The following UHRF1 variants were observed in gnomAD, a reference collection of about 807,000 sequenced individuals.
The protein encoded by UHRF1 is ubiquitin like with PHD and ring finger domains 1, also known as E3 ubiquitin-protein ligase UHRF1.
Under a neutral mutation model 96.5 loss-of-function variants are expected in UHRF1, and 9 were observed. The observed-to-expected ratio is 0.09, with a 90% confidence interval of 0.06 to 0.16. UHRF1 has a LOEUF of 0.16. Among genes scored for constraint, UHRF1 ranks in the 10% least tolerant of loss-of-function variants. The pLI is 1.00. For synonymous variants in UHRF1, 455 were observed against 469.9 expected (o/e 0.97, Z 0.41); for missense variants, 626 against 1,131.1 (o/e 0.55, Z 6.40).
intron 11 of UHRF1, among the ~76,000 whole-genome samples, chr19:4,949,737 G>A (rs965685125): frequency 5.3e-5 from 8 of 152,074 alleles, no homozygotes; most frequent in South Asian, 2.1e-4. Context: ...CTTGGGAGCC[G>A]GAGGTGGGAG....
intron 1 of UHRF1, among the ~76,000 whole-genome samples, chr19:4,904,123 T>C (rs1186105171): frequency 1.3e-5 from 2 of 151,938 alleles, no homozygotes; most frequent in African/African-American, 2.4e-5. Context: ...ATTACGGGCA[T>C]GGGGGTTACA....
At chr19:4,913,899 C>T (rs1295452524) in intron 2 of UHRF1, among the ~76,000 whole-genome samples, 1 of 149,942 alleles carries the variant, frequency 6.7e-6, no homozygotes, top group Non-Finnish European at 1.5e-5. Context: ...TCAACCTCCA[C>T]CTCCTGGGTT....
chr19:4,904,005 C>A (rs2032005229), intron 1 of UHRF1, among the ~76,000 whole-genome samples: 1 of 151,832 alleles, frequency 6.6e-6, no homozygotes, highest in Admixed American at 6.6e-5. Context: ...GAGGTGGAAT[C>A]TCACTCTGTT....
At position 4,930,853 on chromosome 19, in the gene UHRF1, C is replaced by T; in HGVS notation, c.546C>T (p.Val182=). 1.2e-6 allele frequency: 2 copies of T among 1,613,950 alleles called. No homozygotes were observed. The highest frequency in any genetic ancestry group is 1.1e-5 in the South Asian group (1 of 91,080). ...STSRPALEED[V]IYHVKYDDYP... ...CCAGGCCGGCGCTGGAGGAGGACGT[C>T]ATTTACCACGTGAAATACGACGAGT... Residue 182 remains valine (V), a synonymous_variant, in exon 4 of 17, where the codon GTC becomes GTT. Coordinates refer to ENST00000650932, the MANE Select transcript of UHRF1 (RefSeq NM_001048201.3). The surrounding 1 kb of genome is among the most constrained non-coding windows in gnomAD (Gnocchi z 4.4).
intron 16 of UHRF1, among the ~76,000 whole-genome samples, chr19:4,957,297 G>T (rs1416277459): frequency 3.9e-5 from 2 of 51,034 alleles, no homozygotes; most frequent in Admixed American, 5.5e-4. Flanking sequence ...CCAGCTGATG[G>T]TTTTTTTTTT....
At position 4,903,165 on chromosome 19, in the gene UHRF1, C is replaced by G. The variant is rs551770937; in HGVS notation, c.-491C>G. On this transcript the variant is annotated 5_prime_UTR_variant, in exon 1 of 17. Coordinates refer to the UHRF1 transcript ENST00000612630. ...CCTCAGCCTCCTGAGTAGCTGGGAC[C>G]ACGGGTGCATGCCAGCATGCCCAGC... is the stretch of plus-strand genomic sequence containing the variant. 4.4e-3 allele frequency: 1,228 copies of G among 277,702 alleles called. 10 individuals are homozygous for G. The highest frequency in any genetic ancestry group is 3.9e-3 in the Non-Finnish European group (563 of 143,620). 17.2% of individuals were successfully genotyped at this position (277,702 alleles called of 1,614,324 possible).
At chr19:4,911,118 C>T in intron 2 of UHRF1, 80 bp downstream of exon 2, 1 of 1,321,218 alleles carries the variant, frequency 7.6e-7, no homozygotes, top group South Asian at 1.7e-5. Flanking sequence ...TACTTTCTCC[C>T]TCCCACCTCC....
intron 11 of UHRF1, among the ~76,000 whole-genome samples, chr19:4,948,929 C>T (rs2033643601): frequency 7.1e-6 from 1 of 140,482 alleles, no homozygotes. Flanking sequence ...CGAAACCATC[C>T]TGGCTAACAT....
chr19:4,947,087 CCTT>C lies in UHRF1; in HGVS notation c.1411-14_1411-12del. On this transcript the variant is annotated splice_polypyrimidine_tract_variant and intron_variant, in intron 10 of 16. Transcript: ENST00000650932. ...TTGCCTCTGCAGAGGGTTCACCCAG[CCTT>C]CTTGTCTGTTTCAGGACCATGGGAA... 1.9e-6 allele frequency: 3 copies of C among 1,604,982 alleles called. No homozygotes were observed. The highest frequency in any genetic ancestry group is 2.6e-6 in the Non-Finnish European group (3 of 1,173,028).
At chr19:4,947,395 G>A (rs990460204) in intron 11 of UHRF1, among the ~76,000 whole-genome samples, 184 bp downstream of exon 11, 1 of 151,302 alleles carries the variant, frequency 6.6e-6, no homozygotes, top group Admixed American at 6.6e-5. Flanking sequence ...GAGCCACTGC[G>A]CCTGGTCTGG....
chr19:4,956,389 T>C (rs1473911481), intron 15 of UHRF1, among the ~76,000 whole-genome samples: 1 of 152,222 alleles, frequency 6.6e-6, no homozygotes, highest in African/African-American at 2.4e-5. Context: ...AAGCCCTGTC[T>C]TGACTCAGTG....
intron 2 of UHRF1, among the ~76,000 whole-genome samples, chr19:4,926,518 T>C (rs149236616): frequency 2.6e-4 from 40 of 152,220 alleles, no homozygotes; most frequent in Non-Finnish European, 4.6e-4. Context: ...TGTGTACATA[T>C]TCAAACGGGT....
intron 4 of UHRF1, 124 bp from the exon 5 acceptor site, chr19:4,932,617 A>C: frequency 1.0e-6 from 1 of 1,000,910 alleles, no homozygotes; most frequent in Non-Finnish European, 1.5e-6. Flanking sequence ...ACACCAGCAT[A>C]TAAGCCTGTT....
chr19:4,910,950 T>C lies in UHRF1; in HGVS notation c.65T>C (p.Leu22Pro). 1 of 1,613,674 alleles carries C rather than the reference T, an allele frequency of 6.2e-7. No individual in the cohort carries two copies. Among genetic ancestry groups the C allele is most frequent in the Non-Finnish European group, 8.5e-7 (1 of 1,179,690 alleles). Reference protein sequence around the residue: ...QTHTVDSLSRLTKVEELRRKI... With the variant: ...QTHTVDSLSRPTKVEELRRKI... ...CACACGGTGGACTCGCTGTCCAGGC[T>C]GACCAAGGTGGAGGAGCTGAGGCGG... Residue 22 changes from leucine (L) to proline (P), a missense_variant, in exon 2 of 17, where the codon CTG becomes CCG. This residue lies in a region of UHRF1 where 32 missense variants were observed against 46.8 expected (regional missense o/e 0.68). Transcript: ENST00000650932.
chr19:4,930,964 T>C lies in UHRF1; in HGVS notation c.569+88T>C. ...GGGTGTTCAGGCCAGAGCTTGGCAC[T>C]GTCTCGAGATGGTGATCAGGATCTG... On this transcript the variant is annotated intron_variant, in intron 4 of 16. Coordinates refer to ENST00000650932, the MANE Select transcript of UHRF1 (RefSeq NM_001048201.3). The surrounding 1 kb of genome is among the most constrained non-coding windows in gnomAD (Gnocchi z 4.4). 6.5e-7 allele frequency: 1 copy of C among 1,539,864 alleles called. No individual in the cohort carries two copies. Among genetic ancestry groups the C allele is most frequent in the African/African-American group, 1.4e-5 (1 of 73,858 alleles).
At position 4,950,632 on chromosome 19, in the gene UHRF1, T is replaced by C. The variant is rs2033691619; in HGVS notation, c.1539T>C (p.Phe513=). The part of the protein sequence containing the change: ...NTNRALALNC[F]APINDQEGAE... ...GCAGGGCGCTGGCTCTCAACTGCTTTGCTCCCATCAATGACCAAGAAGGGG... is the reference window on the plus strand; with the variant it reads ...GCAGGGCGCTGGCTCTCAACTGCTTCGCTCCCATCAATGACCAAGAAGGGG... Residue 513 remains phenylalanine, a synonymous_variant, in exon 12 of 17, where the codon TTT becomes TTC. Transcript: ENST00000650932. The C allele has an allele frequency of 6.2e-7, 1 of 1,612,454 alleles. No individual in the cohort carries two copies. Among genetic ancestry groups the C allele is most frequent in the African/African-American group, 1.3e-5 (1 of 74,886 alleles).
intron 2 of UHRF1, among the ~76,000 whole-genome samples, chr19:4,920,429 C>CA (rs965549121): frequency 7.3e-5 from 11 of 150,490 alleles, no homozygotes; most frequent in South Asian, 4.2e-4. Context: ...GACTCCGTCT[C>CA]AAAAAAAAGA....
chr19:4,919,263 C>T (rs561339024), intron 2 of UHRF1, among the ~76,000 whole-genome samples: 10 of 151,804 alleles, frequency 6.6e-5, no homozygotes, highest in Non-Finnish European at 2.9e-5. Flanking sequence ...CAAATCATAC[C>T]TGAGATTACA....
At chr19:4,906,212 C>A (rs967346565), upstream of UHRF1, among the ~76,000 whole-genome samples, 1 of 152,042 alleles carries the variant, frequency 6.6e-6, no homozygotes, top group African/African-American at 2.4e-5. Flanking sequence ...CTCCCGGGCG[C>A]AAGAGATCAG....
Sources: allele counts gnomAD v4.1 joint callset (sites outside exome capture counted in the v4.1 genomes callset), GRCh38; gene constraint gnomAD v4.1.1; regional missense constraint gnomAD v4.1.1; non-coding constraint Gnocchi (gnomAD v3.1); transcripts MANE v1.5; gene names NCBI Gene and HGNC (gene_info 2026-07-23, HGNC 2026-07-21).